NINL: variants seen among roughly 807,000 people sequenced by gnomAD.
The protein encoded by NINL is ninein-like protein.
Under a neutral mutation model 160.3 loss-of-function variants are expected in NINL, and 153 were observed. The ratio of observed to expected loss-of-function variants is 0.95; its 90% CI spans 0.84 to 1.09. The LOEUF (loss-of-function observed/expected upper bound fraction) is 1.09. NINL is among the 50% of genes least tolerant of loss of function. The pLI, the probability that NINL is intolerant of heterozygous loss-of-function variation, is 0.00. For missense variants in NINL, 1,829 were observed against 1,764.0 expected, an observed-to-expected ratio of 1.04 and a Z score of -0.66; for synonymous variants, 800 against 734.8, an observed-to-expected ratio of 1.09 and a Z score of -1.43.
chr20:25,467,641 GATCCCGTCTTCCATGGTTT>G (rs1345943362), intron 18 of NINL, among the ~76,000 whole-genome samples, 183 bp from the exon 19 acceptor site: 1 of 152,140 alleles, frequency 6.6e-6, no homozygotes, highest in Non-Finnish European at 1.5e-5. Context: ...TGAAGACGAC[GATCCCGTCTTCCATGGTTT>G]ATCCCAAACC....
At chr20:25,492,755 AT>A (rs1257116101) in intron 10 of NINL, among the ~76,000 whole-genome samples, 6 of 152,020 alleles carry the variant, frequency 3.9e-5, no homozygotes, top group African/African-American at 1.5e-4. Context: ...ACATGGTATC[AT>A]TTTTTTAAGA....
chr20:25,482,093 T>C lies in NINL; in HGVS notation c.1685A>G (p.Gln562Arg), dbSNP rs2063401989. Residue 562 changes from glutamine (Q) to arginine (R), a missense_variant, in exon 14 of 24, where the codon CAG becomes CGG. Gln to Arg is a conservative substitution (Grantham distance 43, BLOSUM62 1). Coordinates refer to ENST00000278886, the MANE Select transcript of NINL (RefSeq NM_025176.6). Reference protein sequence around the residue: ...KEYELKCRDLQDRNDELQAEL... With the variant: ...KEYELKCRDLRDRNDELQAEL... ...AGCTTGCAGCTCATCGTTGCGGTCCTGCAGGTCCTGTGGGGACAGAGCCAG... is the reference window on the plus strand; with the variant it reads ...AGCTTGCAGCTCATCGTTGCGGTCCCGCAGGTCCTGTGGGGACAGAGCCAG... 6.3e-7 allele frequency: 1 copy of C among 1,597,270 alleles called. No homozygotes were observed. The highest frequency in any genetic ancestry group is 8.5e-7 in the Non-Finnish European group (1 of 1,179,254).
rs1218788220 is a variant in NINL, at chr20:25,560,981, TCTCTCCCTCCTCTCC to T, written c.-12+24459_-12+24473del. Among the ~76,000 whole-genome samples, 4 of 126,894 alleles carry T rather than the reference TCTCTCCCTCCTCTCC, an allele frequency of 3.2e-5. No individual in the cohort carries two copies. The East Asian group carries it at 7.9e-4, about 25-fold the overall frequency. The allele number at this position is 126,894 out of a possible 152,430, so 83.2% of individuals were successfully genotyped here. On this transcript the variant is annotated intron_variant, in intron 1 of 23. Coordinates refer to ENST00000278886, the MANE Select transcript of NINL (RefSeq NM_025176.6). ...AGCTCTCCCTCTCCCTCTCCCTCTC[TCTCTCCCTCCTCTCC>T]CTCTCCCTCTCTTTCCACGGTCTCC...
chr20:25,490,724 G>A (rs1033212462), intron 11 of NINL, among the ~76,000 whole-genome samples: 4 of 152,132 alleles, frequency 2.6e-5, no homozygotes, highest in Non-Finnish European at 4.4e-5. Context: ...ATCTGTAGAC[G>A]GTGGGGGACT....
chr20:25,491,789 G>A lies in NINL; in HGVS notation c.1311-264C>T, dbSNP rs1330414121. 2.0e-5 allele frequency among the ~76,000 whole-genome samples: 3 copies of A among 152,358 alleles called. 1 individual carries two copies. Among genetic ancestry groups the A allele is most frequent in the African/African-American group, 4.8e-5 (2 of 41,598 alleles). On this transcript the variant is annotated intron_variant, in intron 10 of 23. Coordinates refer to ENST00000278886, the MANE Select transcript of NINL (RefSeq NM_025176.6). ...CCACCAGCTGCCCCCTCACAGCGAGGAGCACAGCTCCCTGGGGTGAGTCCC... is the reference window on the plus strand; with the variant it reads ...CCACCAGCTGCCCCCTCACAGCGAGAAGCACAGCTCCCTGGGGTGAGTCCC...
intron 7 of NINL, among the ~76,000 whole-genome samples, chr20:25,501,271 G>A (rs1412801773): frequency 1.3e-5 from 2 of 152,188 alleles, no homozygotes; most frequent in Admixed American, 6.5e-5. Context: ...TTGCACCCAC[G>A]TGGCCCAACC....
chr20:25,570,315 T>C (rs2065039218), intron 1 of NINL, among the ~76,000 whole-genome samples: 1 of 152,192 alleles, frequency 6.6e-6, no homozygotes, highest in African/African-American at 2.4e-5. Context: ...GGGAGGCAAC[T>C]GGATTGTGGG....
intron 10 of NINL, among the ~76,000 whole-genome samples, chr20:25,493,716 G>A (rs1381722518): frequency 6.6e-6 from 1 of 152,076 alleles, no homozygotes; most frequent in Non-Finnish European, 1.5e-5. Context: ...GGCTGGCCCA[G>A]AATAGTTCAG....
chr20:25,475,935 C>T, intron 17 of NINL, 108 bp downstream of exon 17: 1 of 1,203,500 alleles, frequency 8.3e-7, no homozygotes, highest in Non-Finnish European at 1.2e-6. Flanking sequence ...GGGCTGCGAG[C>T]TTGTCGGCAG....
chr20:25,477,807 T>TA (rs1247076683), intron 16 of NINL, among the ~76,000 whole-genome samples: 2 of 152,104 alleles, frequency 1.3e-5, no homozygotes, highest in African/African-American at 2.4e-5. Context: ...GGGCTGCTTG[T>TA]GCCTGCCCCT....
At chr20:25,518,968 T>A (rs2064213650) in intron 2 of NINL, among the ~76,000 whole-genome samples, 2 of 151,964 alleles carry the variant, frequency 1.3e-5, no homozygotes, top group South Asian at 4.2e-4. Flanking sequence ...CATGCTGGCG[T>A]GTGCCTGTAA....
intron 4 of NINL, among the ~76,000 whole-genome samples, chr20:25,511,054 G>A (rs577201153): frequency 2.6e-5 from 4 of 152,264 alleles, no homozygotes; most frequent in African/African-American, 9.6e-5. Context: ...TCAAACACTC[G>A]TGTCATAGCA....
At chr20:25,542,342 G>T (rs1215157806) in intron 1 of NINL, among the ~76,000 whole-genome samples, 2 of 152,096 alleles carry the variant, frequency 1.3e-5, no homozygotes, top group African/African-American at 4.8e-5. Context: ...CTGCACACAG[G>T]AAAGATTACA....
chr20:25,553,736 G>GA (rs1409355694), intron 1 of NINL, among the ~76,000 whole-genome samples: 1 of 152,212 alleles, frequency 6.6e-6, no homozygotes, highest in East Asian at 1.9e-4. Flanking sequence ...AAAGAGGAAG[G>GA]AAAGAGCATC....
intron 1 of NINL, among the ~76,000 whole-genome samples, chr20:25,555,962 A>G (rs1052553327): frequency 6.2e-5 from 9 of 146,018 alleles, no homozygotes; most frequent in Non-Finnish European, 1.2e-4. Flanking sequence ...AGCGTGAGCC[A>G]CCATGCCCGG....
chr20:25,458,391 C>T lies in NINL; in HGVS notation c.3835G>A (p.Ala1279Thr). The change falls in exon 22 of 24, where the codon GCA becomes ACA. Residue 1279 changes from alanine (A) to threonine (T), a missense_variant. By Grantham distance (58) the Ala-to-Thr change is moderately conservative (BLOSUM62 0). Transcript: ENST00000278886. ...QGEQARRRLD[A>T]QREEHEKQLK... ...GCTGCATCCCCACTTACCCGCTGTG[C>T]ATCCAGGCGCCTCCTGGCCTGCTCT... The T allele has an allele frequency of 1.2e-6, 2 of 1,606,446 alleles. No individual in the cohort carries two copies. Among genetic ancestry groups the T allele is most frequent in the Non-Finnish European group, 8.5e-7 (1 of 1,179,978 alleles).
At chr20:25,515,859 G>T (rs1056407036) in intron 3 of NINL, among the ~76,000 whole-genome samples, 1 of 151,930 alleles carries the variant, frequency 6.6e-6, no homozygotes, top group Admixed American at 6.6e-5. Context: ...CAAGCTCCAC[G>T]TCCCAGGTTC....
chr20:25,456,863 T>C (rs1441894118), intron 22 of NINL, among the ~76,000 whole-genome samples: 6 of 146,412 alleles, frequency 4.1e-5, no homozygotes, highest in East Asian at 2.1e-4. Flanking sequence ...ACCCAGGAGG[T>C]GGAGGCTGCA....
At chr20:25,481,802 G>T in intron 14 of NINL, 166 bp downstream of exon 14, 1 of 1,011,338 alleles carries the variant, frequency 9.9e-7, no homozygotes, top group Non-Finnish European at 1.4e-6. Flanking sequence ...AGGTCACCCT[G>T]TGGCATCCCT....
Sources: allele counts gnomAD v4.1 joint callset (sites outside exome capture counted in the v4.1 genomes callset), GRCh38; gene constraint gnomAD v4.1.1; transcripts MANE v1.5; gene names NCBI Gene and HGNC (gene_info 2026-07-23, HGNC 2026-07-21).